Variants in DNAH14 observed in about 807,000 individuals in gnomAD.
DNAH14 encodes dynein axonemal heavy chain 14, also known as axonemal beta dynein heavy chain 14.
A neutral mutation model predicts 520.9 loss-of-function variants in DNAH14; 478 were observed. The ratio of observed to expected loss-of-function variants is 0.92; its 90% CI spans 0.85 to 0.99. DNAH14 has a LOEUF of 0.99. DNAH14 is among the 50% of genes least tolerant of loss of function. DNAH14 has a pLI of 0.00. For synonymous variants in DNAH14, 1,581 were observed against 1,757.2 expected (o/e 0.90, Z 2.51); for missense variants, 4,831 against 5,234.5 (o/e 0.92, Z 2.38).
chr1:225,171,955 G>T (rs12402229), intron 36 of DNAH14, among the ~76,000 whole-genome samples: 18,843 of 152,132 alleles, frequency 0.12, 1,319 homozygotes, highest in East Asian at 0.31. Flanking sequence ...TGCAAGGCTG[G>T]TTCATCATAC....
At position 225,147,216 on chromosome 1, in the gene DNAH14, CAATT is replaced by C. The variant is rs563040491; in HGVS notation, c.4910_4913del (p.Ile1637ArgfsTer30). The C allele has an allele frequency of 3.6e-3, 5,645 of 1,548,010 alleles. 14 individuals carry two copies. Among genetic ancestry groups the C allele is most frequent in the Non-Finnish European group, 4.6e-3 (5,241 of 1,145,910 alleles). ...TCTGTCATTGCCTCACAGATCCTAACAATTAAGGCTGCAAAAGACAACTATTCTG... is the reference window on the plus strand; with the variant it reads ...TCTGTCATTGCCTCACAGATCCTAACAAGGCTGCAAAAGACAACTATTCTG... On this transcript the variant is annotated frameshift_variant, in exon 31 of 86. Coordinates refer to ENST00000682510, the MANE Select transcript of DNAH14 (RefSeq NM_001367479.1). LOFTEE classifies it high-confidence loss of function.
At chr1:224,966,573 G>A (rs1045752292) in intron 5 of DNAH14, among the ~76,000 whole-genome samples, 18 of 152,290 alleles carry the variant, frequency 1.2e-4, no homozygotes, top group Admixed American at 2.6e-4. Context: ...AGGCATTATA[G>A]TTTATTGCAA....
intron 21 of DNAH14, among the ~76,000 whole-genome samples, chr1:225,093,320 G>T (rs1405853739): frequency 6.6e-6 from 1 of 151,988 alleles, no homozygotes; most frequent in Non-Finnish European, 1.5e-5. Context: ...ATGCAAAGTT[G>T]GTTCAACATA....
chr1:224,997,434 TTTTGTTTGTTTGTTTG>T (rs200064622), intron 8 of DNAH14, among the ~76,000 whole-genome samples: 2 of 150,374 alleles, frequency 1.3e-5, no homozygotes, highest in African/African-American at 2.5e-5. Flanking sequence ...GCAGGTTTTT[TTTTGTTTGTTTGTTTG>T]TTTGTTTGTT....
In DNAH14 at chr1:225,024,257, T is replaced by G. The variant is rs1047578908; in HGVS notation, c.1358+392T>G. 10 of 985,444 alleles carry G rather than the reference T, an allele frequency of 1.0e-5. No homozygotes were observed. The Admixed American group carries it at 3.7e-4, about 36-fold the overall frequency. 61.0% of individuals were successfully genotyped at this position (985,444 alleles called of 1,614,324 possible). A position where few individuals can be genotyped will look rare whatever the true frequency, so the allele number is the denominator to read the frequency against. ...GGTTCAGAGTTAGTTTTTAAAGATA[T>G]GTGAGAATTCTGGAAGGAGCTACAA... On this transcript the variant is annotated intron_variant, in intron 11 of 85. Transcript: ENST00000682510.
intron 49 of DNAH14, among the ~76,000 whole-genome samples, chr1:225,269,719 C>T (rs1339129377): frequency 2.0e-5 from 3 of 152,144 alleles, no homozygotes; most frequent in Non-Finnish European, 4.4e-5. Flanking sequence ...GCCAAAGACA[C>T]ATGAAAAAAT....
At chr1:225,303,012 C>A in intron 56 of DNAH14, 144 bp from the exon 57 acceptor site, 3 of 611,706 alleles carry the variant, frequency 4.9e-6, no homozygotes, top group South Asian at 3.0e-5. Flanking sequence ...CTGTTTATGG[C>A]AGGCACTCCA....
At chr1:225,212,440 C>G (rs2088589333) in intron 41 of DNAH14, among the ~76,000 whole-genome samples, 1 of 152,102 alleles carries the variant, frequency 6.6e-6, no homozygotes, top group Non-Finnish European at 1.5e-5. Context: ...ATGGCTGGGT[C>G]AAATGATATT....
At chr1:225,161,016 G>A (rs140360142) in intron 35 of DNAH14, among the ~76,000 whole-genome samples, 1 of 151,924 alleles carries the variant, frequency 6.6e-6, no homozygotes, top group African/African-American at 2.4e-5. Context: ...CCCTCTAAGT[G>A]CTGCTTTAGT....
chr1:225,174,099 C>A (rs925604161), intron 36 of DNAH14, among the ~76,000 whole-genome samples: 7 of 151,784 alleles, frequency 4.6e-5, no homozygotes, highest in Non-Finnish European at 8.8e-5. Context: ...CATCACACAC[C>A]AGGGCCTGTT....
chr1:225,083,487 C>T (rs2073380162), intron 20 of DNAH14, among the ~76,000 whole-genome samples: 1 of 152,058 alleles, frequency 6.6e-6, no homozygotes. Context: ...ACTCCAAATT[C>T]ACATATGTAA....
chr1:225,125,973 A>T (rs1403738451), intron 27 of DNAH14, among the ~76,000 whole-genome samples: 1 of 152,140 alleles, frequency 6.6e-6, no homozygotes, highest in Non-Finnish European at 1.5e-5. Context: ...GATTAGGGAG[A>T]CCGAAGAAGA....
chr1:224,994,131 C>T (rs2125779064), intron 8 of DNAH14, among the ~76,000 whole-genome samples: 1 of 152,116 alleles, frequency 6.6e-6, no homozygotes, highest in Middle Eastern at 3.4e-3. Flanking sequence ...GTTTTGTGTG[C>T]ACTTGAGAAC....
chr1:225,064,395 C>T (rs540143721), intron 17 of DNAH14, among the ~76,000 whole-genome samples: 1 of 152,094 alleles, frequency 6.6e-6, no homozygotes, highest in East Asian at 1.9e-4. Flanking sequence ...ACCATTTAAT[C>T]CATCAGTTCC....
At chr1:225,060,693 G>T in intron 17 of DNAH14, among the ~76,000 whole-genome samples, 1 of 62,558 alleles carries the variant, frequency 1.6e-5, no homozygotes, top group Non-Finnish European at 6.2e-5. Context: ...TGGGGTTTTA[G>T]TGTGGATGTC....
intron 55 of DNAH14, among the ~76,000 whole-genome samples, chr1:225,300,066 G>A (rs1396389417): frequency 6.6e-6 from 1 of 152,074 alleles, no homozygotes; most frequent in Non-Finnish European, 1.5e-5. Flanking sequence ...AACTCTTCTG[G>A]AAGAGTTTGT....
intron 44 of DNAH14, among the ~76,000 whole-genome samples, chr1:225,256,936 C>T (rs655576): frequency 0.2 from 30,100 of 151,938 alleles, 3,127 homozygotes; most frequent in East Asian, 0.37. Context: ...GAATCTCTGG[C>T]ACACAACTAA....
In DNAH14 at chr1:225,374,742, C is replaced by G. The variant is rs374597184; in HGVS notation, c.12373C>G (p.Gln4125Glu). 2.6e-6 allele frequency: 4 copies of G among 1,550,994 alleles called. No homozygotes were observed. Among genetic ancestry groups the G allele is most frequent in the Non-Finnish European group, 3.5e-6 (4 of 1,146,624 alleles). The stretch of plus-strand genomic sequence containing the variant: ...GAGAGGACAGCCCAGCATTTCGTGG[C>G]AAGCACTGCGCTACCTGATTGGAGA... ...SLRGQPSISW[Q>E]ALRYLIGEVI... The change falls in exon 78 of 86, where the codon CAA (glutamine) becomes GAA (glutamate). Residue 4125 changes from glutamine (Q) to glutamate (E), a missense_variant. Physicochemically the swap from Gln to Glu is conservative, Grantham distance 29. Transcript: ENST00000682510.
Position 225,346,254 on chromosome 1 carries a change from A to G in DNAH14, c.10971A>G (p.Lys3657=), listed in dbSNP as rs2095284464. The G allele has an allele frequency of 6.4e-7, 1 of 1,551,458 alleles. No individual in the cohort carries two copies. The highest frequency in any genetic ancestry group is 1.4e-5 in the African/African-American group (1 of 73,048). ...AAGAACATAGTTTTAAAAGGGAGAA[A>G]GTGTCTCCAAAAGAAGTTCATGAGT... is the stretch of plus-strand genomic sequence containing the variant. ...KEQEHSFKRE[K]VSPKEVHEFI... The change falls in exon 70 of 86, where the codon AAA becomes AAG. Residue 3657 remains lysine, a synonymous_variant. Transcript: ENST00000682510.
Sources: gnomAD v4.1 joint callset for allele counts (sites outside exome capture counted in the v4.1 genomes callset) on GRCh38, gnomAD v4.1.1 for gene constraint, MANE v1.5 for transcripts, NCBI Gene and HGNC (gene_info 2026-07-23, HGNC 2026-07-21) for gene names.